Variants in FSIP1 observed in about 807,000 individuals in gnomAD.
FSIP1 encodes fibrous sheath interacting protein 1.
FSIP1 carries 65 observed loss-of-function variants against 60.9 expected under a neutral mutation model. That is an observed-to-expected ratio of 1.07 (90% CI 0.87 to 1.31). FSIP1 has a LOEUF of 1.31. Among genes scored for constraint, FSIP1 ranks in the 40% most tolerant of loss-of-function variants. The probability of loss-of-function intolerance (pLI) is 0.00; values close to 1 mark genes in which losing one functional copy is unlikely to be tolerated. For missense variants in FSIP1, 675 were observed against 665.5 expected (o/e 1.01, Z -0.16); for synonymous variants, 209 against 221.2 (o/e 0.94, Z 0.49).
At chr15:39,646,011 A>C (rs1448166609) in intron 10 of FSIP1, among the ~76,000 whole-genome samples, 1 of 152,160 alleles carries the variant, frequency 6.6e-6, no homozygotes, top group Non-Finnish European at 1.5e-5. Context: ...TTGCCCATGG[A>C]CCAACTGGCA....
rs371733198 is a variant in FSIP1 at position 39,739,777 on chromosome 15, T to C, written c.668A>G (p.Asp223Gly). ...GATCAATGACTCATTTCTTTCCACA[T>C]CACAGGTAAAATCTAATATTAAAAA... Reference protein sequence around the residue: ...MQKLNKDFTCDVERNESLIKS... With the variant: ...MQKLNKDFTCGVERNESLIKS... The change falls in exon 7 of 12, where the codon GAT becomes GGT. Residue 223 changes from aspartate to glycine, a missense_variant. Physicochemically the swap from Asp to Gly is moderately conservative, Grantham distance 94. Transcript: ENST00000350221. 17 of 1,561,612 alleles carry C rather than the reference T, an allele frequency of 1.1e-5. No homozygotes were observed. Among genetic ancestry groups the C allele is most frequent in the Non-Finnish European group, 8.6e-7 (1 of 1,161,594 alleles).
chr15:39,669,945 G>A (rs1351626464), intron 10 of FSIP1, among the ~76,000 whole-genome samples: 1 of 152,192 alleles, frequency 6.6e-6, no homozygotes, highest in Non-Finnish European at 1.5e-5. Context: ...TATCAGAGTG[G>A]AATCATGCTC....
intron 1 of FSIP1, among the ~76,000 whole-genome samples, chr15:39,782,263 G>T (rs1030807199): frequency 2.0e-5 from 3 of 151,156 alleles, no homozygotes; most frequent in Non-Finnish European, 3.0e-5. Context: ...CTAATCAATT[G>T]TTTGCTGTTT....
intron 10 of FSIP1, among the ~76,000 whole-genome samples, chr15:39,707,081 T>C (rs1376565481): frequency 1.3e-5 from 2 of 152,116 alleles, no homozygotes; most frequent in African/African-American, 2.4e-5. Flanking sequence ...CCTGCCCCCA[T>C]AGGTATCTGC....
intron 11 of FSIP1, among the ~76,000 whole-genome samples, chr15:39,609,249 A>G (rs1400372223): frequency 6.6e-6 from 1 of 152,210 alleles, no homozygotes; most frequent in Non-Finnish European, 1.5e-5. Context: ...CAGCATTAGC[A>G]CTGTCCTGCA....
intron 10 of FSIP1, among the ~76,000 whole-genome samples, chr15:39,663,196 C>T (rs1045703434): frequency 2.0e-5 from 3 of 151,994 alleles, no homozygotes; most frequent in East Asian, 1.9e-4. Flanking sequence ...AAATTTAATT[C>T]GACTTTTTCC....
intron 3 of FSIP1, among the ~76,000 whole-genome samples, chr15:39,767,092 C>G (rs1897717011): frequency 2.0e-5 from 3 of 152,126 alleles, no homozygotes; most frequent in Admixed American, 2.0e-4. Context: ...TTAAGTGATA[C>G]TCCTGCCTGG....
chr15:39,693,540 C>T (rs1216934080), intron 10 of FSIP1, among the ~76,000 whole-genome samples: 1 of 152,128 alleles, frequency 6.6e-6, no homozygotes. Flanking sequence ...AAACATCAGC[C>T]AGAATAAGAT....
intron 11 of FSIP1, among the ~76,000 whole-genome samples, chr15:39,616,762 T>C (rs1891245171): frequency 6.6e-6 from 1 of 152,176 alleles, no homozygotes; most frequent in African/African-American, 2.4e-5. Flanking sequence ...ATCAAAGCTG[T>C]GCTTTAAGGA....
At chr15:39,660,059 C>A (rs1251611891) in intron 10 of FSIP1, among the ~76,000 whole-genome samples, 1 of 152,170 alleles carries the variant, frequency 6.6e-6, no homozygotes, top group African/African-American at 2.4e-5. Flanking sequence ...CAACCTCCAA[C>A]TAACTCCAGG....
At chr15:39,781,997 T>C (rs757286236) in intron 1 of FSIP1, among the ~76,000 whole-genome samples, 1 of 152,258 alleles carries the variant, frequency 6.6e-6, no homozygotes, top group Non-Finnish European at 1.5e-5. Flanking sequence ...AATATATTTG[T>C]GCCAATCTTT....
At chr15:39,653,630 G>A (rs1365951563) in intron 10 of FSIP1, among the ~76,000 whole-genome samples, 1 of 152,176 alleles carries the variant, frequency 6.6e-6, no homozygotes, top group Non-Finnish European at 1.5e-5. Flanking sequence ...CCGGGTGGGA[G>A]ATAATTGAAT....
chr15:39,653,925 A>T (rs56355021), intron 10 of FSIP1, among the ~76,000 whole-genome samples: 24,374 of 151,710 alleles, frequency 0.16, 2,140 homozygotes, highest in African/African-American at 0.2. Context: ...TTTTTATTTT[A>T]TTTTTTTTAC....
rs191891592 is a variant in FSIP1 at position 39,636,089 on chromosome 15, G to A, written c.1189-17844C>T. On this transcript the variant is annotated intron_variant, in intron 10 of 11. Coordinates refer to ENST00000350221, the MANE Select transcript of FSIP1 (RefSeq NM_152597.5). ...AACAATATTATCTCCCTAAGTGCTTGGACTTCTTGCTCTTATAGTAGTACG... is the reference window on the plus strand; with the variant it reads ...AACAATATTATCTCCCTAAGTGCTTAGACTTCTTGCTCTTATAGTAGTACG... Among the ~76,000 whole-genome samples the A allele has an allele frequency of 1.2e-4, 18 of 152,218 alleles. No homozygotes were observed. In the East Asian group the frequency reaches 3.3e-3, roughly 28 times the overall value.
intron 10 of FSIP1, among the ~76,000 whole-genome samples, chr15:39,685,828 G>T (rs1387820943): frequency 6.6e-6 from 1 of 152,050 alleles, no homozygotes; most frequent in African/African-American, 2.4e-5. Context: ...ACAGCAGCTG[G>T]CCATCACCCA....
intron 8 of FSIP1, among the ~76,000 whole-genome samples, chr15:39,728,968 T>C (rs539607493): frequency 5.3e-5 from 8 of 152,024 alleles, no homozygotes; most frequent in African/African-American, 1.9e-4. Flanking sequence ...GACATACACA[T>C]AGCCAACAAG....
intron 5 of FSIP1, among the ~76,000 whole-genome samples, chr15:39,746,147 G>A (rs978612162): frequency 1.3e-5 from 2 of 151,914 alleles, no homozygotes; most frequent in Non-Finnish European, 2.9e-5. Flanking sequence ...TTCATTCAAC[G>A]ACCTAATGTT....
At chr15:39,732,641 AT>A in intron 8 of FSIP1, among the ~76,000 whole-genome samples, 1 of 148,862 alleles carries the variant, frequency 6.7e-6, no homozygotes, top group African/African-American at 2.5e-5. Flanking sequence ...AAAAAAAAAA[AT>A]TATGCATGCT....
chr15:39,696,174 A>G (rs958848605), intron 10 of FSIP1, among the ~76,000 whole-genome samples: 1 of 152,208 alleles, frequency 6.6e-6, no homozygotes, highest in Non-Finnish European at 1.5e-5. Flanking sequence ...ACCTTGCAAA[A>G]CTTTTCAATA....
Sources: allele counts gnomAD v4.1 joint callset (sites outside exome capture counted in the v4.1 genomes callset), GRCh38; gene constraint gnomAD v4.1.1; transcripts MANE v1.5; gene names NCBI Gene and HGNC (gene_info 2026-07-23, HGNC 2026-07-21).